The following CHCHD3 variants were observed in gnomAD, a reference collection of about 807,000 sequenced individuals.
The protein encoded by CHCHD3 is MICOS complex subunit MIC19.
CHCHD3 carries 20 observed loss-of-function variants against 38.2 expected under a neutral mutation model. The observed-to-expected ratio is 0.52, with a 90% CI of 0.37 to 0.76. CHCHD3 has a LOEUF of 0.76. CHCHD3 is among the 30% of genes least tolerant of loss of function. The pLI is 0.00. For synonymous variants in CHCHD3, 82 were observed against 100.0 expected, an observed-to-expected ratio of 0.82 and a Z score of 1.07; for missense variants, 245 against 279.2, an observed-to-expected ratio of 0.88 and a Z score of 0.87.
At chr7:132,899,456 C>G (rs898866014) in intron 4 of CHCHD3, among the ~76,000 whole-genome samples, 2 of 152,186 alleles carry the variant, frequency 1.3e-5, no homozygotes, top group Non-Finnish European at 2.9e-5. Flanking sequence ...CTAAAGGGCA[C>G]GCTCCTATGG....
chr7:132,930,066 A>G (rs1446668050), intron 4 of CHCHD3, among the ~76,000 whole-genome samples: 1 of 152,164 alleles, frequency 6.6e-6, no homozygotes, highest in Middle Eastern at 3.2e-3. Context: ...AGTGACAGAA[A>G]TCTTAAACAG....
At chr7:132,790,308 T>C (rs906439900) in intron 7 of CHCHD3, among the ~76,000 whole-genome samples, 5 of 152,172 alleles carry the variant, frequency 3.3e-5, no homozygotes, top group African/African-American at 9.7e-5. Flanking sequence ...GCAGTTCTAA[T>C]TGAAGGATGA....
At chr7:132,994,933 C>T (rs964710972) in intron 3 of CHCHD3, among the ~76,000 whole-genome samples, 10 of 152,222 alleles carry the variant, frequency 6.6e-5, no homozygotes, top group African/African-American at 1.9e-4. Flanking sequence ...CTCCTTAGAT[C>T]ACAGCAATCA....
At chr7:132,850,106 T>C (rs1292949071) in intron 5 of CHCHD3, among the ~76,000 whole-genome samples, 8 of 152,168 alleles carry the variant, frequency 5.3e-5, no homozygotes, top group Admixed American at 5.2e-4. Flanking sequence ...GAAGCAACTT[T>C]CTCCTTTGCA....
At chr7:132,915,375 G>C (rs1314604213) in intron 4 of CHCHD3, among the ~76,000 whole-genome samples, 2 of 152,138 alleles carry the variant, frequency 1.3e-5, no homozygotes, top group Non-Finnish European at 2.9e-5. Context: ...TCTGGAAGTG[G>C]CATGTGGAGG....
intron 2 of CHCHD3, among the ~76,000 whole-genome samples, chr7:133,028,137 G>A (rs1584655137): frequency 6.6e-6 from 1 of 152,216 alleles, no homozygotes; most frequent in East Asian, 1.9e-4. Flanking sequence ...AACATAATTA[G>A]TATGATTGAT....
intron 2 of CHCHD3, among the ~76,000 whole-genome samples, chr7:133,065,635 A>G (rs1389659351): frequency 6.6e-6 from 1 of 152,222 alleles, no homozygotes; most frequent in African/African-American, 2.4e-5. Context: ...TTATCAATAC[A>G]TTTTTGTAGG....
intron 4 of CHCHD3, among the ~76,000 whole-genome samples, chr7:132,958,194 G>A (rs1585674668): frequency 6.6e-6 from 1 of 152,204 alleles, no homozygotes; most frequent in African/African-American, 2.4e-5. Context: ...GACCTACAAG[G>A]GCCAGAGTTG....
Position 132,842,100 on chromosome 7 carries a change from GA to G in CHCHD3, c.454-3632del, listed in dbSNP as rs561319696. ...GCGACAGAGCAAGACTCCATCTCGA[GA>G]AAAAAAAAAATTTTTTTTAATATTT... On this transcript the variant is annotated intron_variant, in intron 5 of 7. Transcript: ENST00000262570. Among the ~76,000 whole-genome samples, 167 of 148,764 alleles carry G rather than the reference GA, an allele frequency of 1.1e-3. No homozygotes were observed. The East Asian group carries it at 0.021, about 18-fold the overall frequency.
intron 4 of CHCHD3, among the ~76,000 whole-genome samples, chr7:132,967,938 A>G (rs1418561606): frequency 6.6e-6 from 1 of 152,148 alleles, no homozygotes; most frequent in Non-Finnish European, 1.5e-5. Context: ...TCAGGATACA[A>G]GCAAACTTTA....
chr7:132,822,165 T>C (rs1308437891), intron 6 of CHCHD3, among the ~76,000 whole-genome samples: 1 of 152,198 alleles, frequency 6.6e-6, no homozygotes, highest in Non-Finnish European at 1.5e-5. Context: ...TCAATTCTCC[T>C]ATTATATCAG....
chr7:132,906,051 C>T (rs1163124643), intron 4 of CHCHD3, among the ~76,000 whole-genome samples: 1 of 152,082 alleles, frequency 6.6e-6, no homozygotes, highest in Non-Finnish European at 1.5e-5. Context: ...CTGCACTGGC[C>T]ACAAAAATTA....
intron 2 of CHCHD3, chr7:133,052,181 T>A (rs1814188464): frequency 6.6e-6 from 1 of 152,224 alleles, no homozygotes; most frequent in Admixed American, 6.5e-5. Flanking sequence ...CTGAGCCCCC[T>A]CATTGTATCA....
intron 2 of CHCHD3, among the ~76,000 whole-genome samples, chr7:133,029,382 A>T (rs1332069911): frequency 6.6e-6 from 1 of 152,146 alleles, no homozygotes; most frequent in Non-Finnish European, 1.5e-5. Flanking sequence ...GTACTCTTTG[A>T]TCAACATCTC....
intron 5 of CHCHD3, among the ~76,000 whole-genome samples, chr7:132,864,224 T>C (rs929882472): frequency 1.3e-5 from 2 of 152,284 alleles, no homozygotes; most frequent in South Asian, 2.1e-4. Flanking sequence ...TCAGAGGTCA[T>C]TGTAGGGTTA....
At chr7:132,912,465 T>C (rs1809976015) in intron 4 of CHCHD3, among the ~76,000 whole-genome samples, 1 of 152,224 alleles carries the variant, frequency 6.6e-6, no homozygotes, top group African/African-American at 2.4e-5. Flanking sequence ...CCTTCCTGGC[T>C]TGAAATGTTG....
intron 1 of CHCHD3, among the ~76,000 whole-genome samples, chr7:133,077,915 A>G (rs1329678621): frequency 6.6e-6 from 1 of 152,220 alleles, no homozygotes; most frequent in African/African-American, 2.4e-5. Context: ...TACCATGAAA[A>G]ATAACACCTG....
At chr7:132,923,227 T>A (rs1454837549) in intron 4 of CHCHD3, among the ~76,000 whole-genome samples, 2 of 152,296 alleles carry the variant, frequency 1.3e-5, no homozygotes, top group Admixed American at 6.5e-5. Context: ...AATTTTTTAA[T>A]TTAGATTCAA....
chr7:132,803,407 G>A (rs148832217), intron 6 of CHCHD3, among the ~76,000 whole-genome samples: 15 of 151,784 alleles, frequency 9.9e-5, no homozygotes, highest in African/African-American at 3.6e-4. Flanking sequence ...TCCTGACTTC[G>A]TAAAACAACT....
Sources: allele counts gnomAD v4.1 joint callset (sites outside exome capture counted in the v4.1 genomes callset), GRCh38; gene constraint gnomAD v4.1.1; transcripts MANE v1.5; gene names NCBI Gene and HGNC (gene_info 2026-07-23, HGNC 2026-07-21).